Variants in ISG20 observed in about 807,000 individuals in gnomAD.
ISG20 encodes the protein interferon stimulated exonuclease gene 20.
Under a neutral mutation model 11.1 loss-of-function variants are expected in ISG20, and 8 were observed. The ratio of observed to expected loss-of-function variants is 0.72; its 90% CI spans 0.42 to 1.30. The LOEUF (loss-of-function observed/expected upper bound fraction) is 1.30. Ranked by LOEUF, ISG20 falls within the 50% of genes most tolerant of loss-of-function variation. ISG20 has a pLI of 0.01. For synonymous variants in ISG20, 110 were observed against 101.7 expected (o/e 1.08, Z -0.49); for missense variants, 243 against 250.2 (o/e 0.97, Z 0.19).
chr15:88,640,145 G>A (rs1414483178), intron 2 of ISG20, among the ~76,000 whole-genome samples: 3 of 152,160 alleles, frequency 2.0e-5, no homozygotes, highest in Non-Finnish European at 4.4e-5. Context: ...TCATCTCCCC[G>A]TCTCACTTTC....
upstream of ISG20, among the ~76,000 whole-genome samples, chr15:88,635,679 G>A (rs2057974821): frequency 6.6e-6 from 1 of 152,200 alleles, no homozygotes; most frequent in South Asian, 2.1e-4. Context: ...TGAGAATGGT[G>A]CCACGTGTGG....
In ISG20 at chr15:88,650,175, C is replaced by A; in HGVS notation, c.229-1935C>A. ...CTGTCCTAGAGCTGTCCAAAGTGGG[C>A]CTGGACTAGCCACGAGCCGCCCCTT... On this transcript the variant is annotated intron_variant, in intron 2 of 3. Transcript: ENST00000306072. The surrounding 1 kb of genome is among the most constrained non-coding windows in gnomAD (Gnocchi z 4.0). The A allele has an allele frequency of 7.1e-7, 1 of 1,405,740 alleles. No individual in the cohort carries two copies. The highest frequency in any genetic ancestry group is 9.7e-7 in the Non-Finnish European group (1 of 1,028,526). The allele number at this position is 1,405,740 out of a possible 1,614,324, so 87.1% of individuals were successfully genotyped here. A position where few individuals can be genotyped will look rare whatever the true frequency, so the allele number is the denominator to read the frequency against.
upstream of ISG20, among the ~76,000 whole-genome samples, chr15:88,636,726 A>T (rs943128479): frequency 1.3e-5 from 2 of 152,104 alleles, no homozygotes; most frequent in Admixed American, 6.6e-5. Context: ...TAGAGATGAG[A>T]TCTCCCTGTG....
At chr15:88,646,869 T>G (rs1455702190) in intron 2 of ISG20, 1 of 152,344 alleles carries the variant, frequency 6.6e-6, no homozygotes, top group Admixed American at 6.5e-5. Flanking sequence ...CTCCCAGGCT[T>G]AAGCAGTTCT....
Position 88,643,206 on chromosome 15 carries a change from G to A in ISG20, c.228+3612G>A, listed in dbSNP as rs879775590. Among the ~76,000 whole-genome samples, 1 of 152,042 alleles carries A rather than the reference G, an allele frequency of 6.6e-6. No individual in the cohort carries two copies. Among genetic ancestry groups the A allele is most frequent in the Non-Finnish European group, 1.5e-5 (1 of 68,010 alleles). On this transcript the variant is annotated intron_variant, in intron 2 of 3. Transcript: ENST00000306072. This position sits in a 1 kb window ranked among gnomAD's most constrained non-coding sequence, Gnocchi z 4.4. ...GCTATGATCATGCCACTGCACTGCA[G>A]CCTGGGTAAGAGAGACCCTGTCTCT...
rs1230982597 is a variant in ISG20 at position 88,639,104 on chromosome 15, G to A, written c.-25+28G>A. ...GAGAGCGGGAGCTGGAGCAGCAGCTGGGGAGGCAGCGGGAGGGGCCTTCCC... is the reference window on the plus strand; with the variant it reads ...GAGAGCGGGAGCTGGAGCAGCAGCTAGGGAGGCAGCGGGAGGGGCCTTCCC... On this transcript the variant is annotated intron_variant, in intron 1 of 3. Transcript: ENST00000306072. This position sits in a 1 kb window ranked among gnomAD's most constrained non-coding sequence, Gnocchi z 4.2. 20 of 553,356 alleles carry A rather than the reference G, an allele frequency of 3.6e-5. No homozygotes were observed. The Admixed American group carries it at 5.1e-4, about 14-fold the overall frequency. The allele number at this position is 553,356 out of a possible 1,614,324, so 34.3% of individuals were successfully genotyped here. A position where few individuals can be genotyped will look rare whatever the true frequency, so the allele number is the denominator to read the frequency against.
intron 3 of ISG20, 83 bp from the exon 4 acceptor site, chr15:88,655,332 G>T (rs963072265): frequency 2.5e-5 from 31 of 1,259,888 alleles, no homozygotes; most frequent in Non-Finnish European, 3.6e-5. Context: ...TCTGGAAATC[G>T]GGATGTGACC....
chr15:88,652,188 A>G lies in ISG20; in HGVS notation c.307A>G (p.Ser103Gly). 6.2e-7 allele frequency: 1 copy of G among 1,614,064 alleles called. No homozygotes were observed. The highest frequency in any genetic ancestry group is 1.1e-5 in the South Asian group (1 of 91,082). ...HDFQALKEDM[S>G]GYTIYDTSTD... ...CTTCCAGGCACTGAAAGAGGACATG[A>G]GCGGCTACACAATCTACGACACGTC... The change falls in exon 3 of 4, where the codon AGC (serine) becomes GGC (glycine). Residue 103 changes from serine (S) to glycine (G), a missense_variant. Transcript: ENST00000306072.
chr15:88,651,637 A>G lies in ISG20; in HGVS notation c.229-473A>G, dbSNP rs117897069. The G allele has an allele frequency of 2.8e-4, 85 of 308,908 alleles. 1 individual carries two copies. In the East Asian group the frequency reaches 9.5e-3, roughly 34 times the overall value. 19.1% of individuals were successfully genotyped at this position (308,908 alleles called of 1,614,324 possible). A position where few individuals can be genotyped will look rare whatever the true frequency, so the allele number is the denominator to read the frequency against. ...CATGGGTAGGCCAGGTGATCTCCCCATTTGAAGGTCGACTGATTAGCAATC... is the reference window on the plus strand; with the variant it reads ...CATGGGTAGGCCAGGTGATCTCCCCGTTTGAAGGTCGACTGATTAGCAATC... On this transcript the variant is annotated intron_variant, in intron 2 of 3. Coordinates refer to ENST00000306072, the MANE Select transcript of ISG20 (RefSeq NM_002201.6).
intron 2 of ISG20, chr15:88,651,329 T>C: frequency 5.1e-6 from 5 of 973,694 alleles, no homozygotes; most frequent in Non-Finnish European, 6.1e-6. Flanking sequence ...GCCATCAACT[T>C]AGTGATTCAC....
intron 2 of ISG20, among the ~76,000 whole-genome samples, chr15:88,640,982 G>C (rs1384355265): frequency 6.6e-6 from 1 of 151,048 alleles, no homozygotes; most frequent in East Asian, 1.9e-4. Flanking sequence ...TTGTTTTTTT[G>C]TATGTCTGTT....
At chr15:88,642,929 T>TA (rs1408759519) in intron 2 of ISG20, among the ~76,000 whole-genome samples, 10 of 148,424 alleles carry the variant, frequency 6.7e-5, no homozygotes, top group Non-Finnish European at 1.5e-4. Context: ...GCCTTGTATT[T>TA]AAAAAAGAGA....
At chr15:88,651,185 G>A (rs1382764735) in intron 2 of ISG20, 10 of 984,856 alleles carry the variant, frequency 1.0e-5, no homozygotes, top group Non-Finnish European at 1.2e-5. Context: ...CAAGGAATTT[G>A]CAAACTTGTT....
Position 88,639,281 on chromosome 15 carries a change from G to A in ISG20, c.-24-62G>A, listed in dbSNP as rs2058038333. 9.4e-7 allele frequency: 1 copy of A among 1,061,940 alleles called. No homozygotes were observed. Among genetic ancestry groups the A allele is most frequent in the Admixed American group, 2.5e-5 (1 of 39,454 alleles). The allele number at this position is 1,061,940 out of a possible 1,614,324, so 65.8% of individuals were successfully genotyped here. On this transcript the variant is annotated intron_variant, in intron 1 of 3. Transcript: ENST00000306072. This position sits in a 1 kb window ranked among gnomAD's most constrained non-coding sequence, Gnocchi z 4.2. ...AGGGTAAGGCCAGCTGGGGTTGGCT[G>A]AGGACACCTGGAGGCTTGGTTTGCC...
chr15:88,646,558 G>C (rs956395260), intron 2 of ISG20, among the ~76,000 whole-genome samples: 2 of 152,226 alleles, frequency 1.3e-5, no homozygotes, highest in South Asian at 2.1e-4. Context: ...AGGACACTGA[G>C]TGTCAATTTG....
chr15:88,652,206 G>A lies in ISG20; in HGVS notation c.325G>A (p.Asp109Asn), dbSNP rs2058284701. 1.2e-6 allele frequency: 2 copies of A among 1,614,002 alleles called. No homozygotes were observed. Among genetic ancestry groups the A allele is most frequent in the Non-Finnish European group, 1.7e-6 (2 of 1,179,966 alleles). The change falls in exon 3 of 4, where the codon GAC becomes AAC. Residue 109 changes from aspartate (D) to asparagine (N), a missense_variant. By Grantham distance (23) the Asp-to-Asn change is conservative. Coordinates refer to ENST00000306072, the MANE Select transcript of ISG20 (RefSeq NM_002201.6). Reference sequence around the variant, plus strand: ...GGACATGAGCGGCTACACAATCTACGACACGTCCACTGACAGGCTGTTGTG... The same window carrying A: ...GGACATGAGCGGCTACACAATCTACAACACGTCCACTGACAGGCTGTTGTG... ...KEDMSGYTIY[D>N]TSTDRLLWRE...
intron 2 of ISG20, among the ~76,000 whole-genome samples, chr15:88,646,180 T>C (rs749063734): frequency 2.6e-5 from 4 of 152,150 alleles, no homozygotes; most frequent in Non-Finnish European, 5.9e-5. Flanking sequence ...CTCTCTGTGC[T>C]CCCCTAAGTA....
chr15:88,651,251 CT>C, intron 2 of ISG20: 1 of 985,394 alleles, frequency 1.0e-6, no homozygotes, highest in South Asian at 4.7e-5. Context: ...CAGATATTTC[CT>C]TTGTAAAACT....
intron 2 of ISG20, chr15:88,651,729 G>T (rs2058277695): frequency 3.0e-6 from 3 of 987,926 alleles, no homozygotes; most frequent in Non-Finnish European, 3.7e-6. Flanking sequence ...GGGGACTAGG[G>T]TGTGGACATC....
Sources: gnomAD v4.1 joint callset for allele counts (sites outside exome capture counted in the v4.1 genomes callset) on GRCh38, gnomAD v4.1.1 for gene constraint, Gnocchi (gnomAD v3.1) non-coding constraint, MANE v1.5 for transcripts, NCBI Gene and HGNC (gene_info 2026-07-23, HGNC 2026-07-21) for gene names.